The following DHX35 variants were observed in gnomAD, a reference collection of about 807,000 sequenced individuals.
The protein encoded by DHX35 is DEAH-box helicase 35, also known as probable ATP-dependent RNA helicase DHX35.
DHX35 carries 84 observed loss-of-function variants against 99.6 expected under a neutral mutation model. That is an observed-to-expected ratio of 0.84 (90% CI 0.71 to 1.01). The LOEUF is 1.01. Among genes scored for constraint, DHX35 ranks in the 50% least tolerant of loss-of-function variants. The probability of loss-of-function intolerance (pLI) is 0.00; values close to 1 mark genes in which losing one functional copy is unlikely to be tolerated. For synonymous variants in DHX35, 331 were observed against 316.2 expected (o/e 1.05, Z -0.50); for missense variants, 852 against 888.5 (o/e 0.96, Z 0.52).
rs2086611270 is a variant in DHX35 at position 39,006,094 on chromosome 20, A to C, written c.1012-52A>C. ...CTTTTAGGATTTTTACGAGTTTGTT[A>C]AAAGCAAAAAGAATAAAATGAGTTT... On this transcript the variant is annotated intron_variant, in intron 11 of 21. Transcript: ENST00000252011. 3.8e-6 allele frequency: 6 copies of C among 1,581,576 alleles called. No individual in the cohort carries two copies. The Middle Eastern group carries it at 5.0e-4, about 133-fold the overall frequency.
intron 1 of DHX35, chr20:38,962,757 C>A: frequency 3.2e-6 from 1 of 309,958 alleles, no homozygotes; most frequent in Non-Finnish European, 6.0e-6. Flanking sequence ...CGCTGTGGCC[C>A]GACAGACAAT....
At chr20:39,009,854 C>T (rs545291512) in intron 12 of DHX35, among the ~76,000 whole-genome samples, 1 of 152,176 alleles carries the variant, frequency 6.6e-6, no homozygotes, top group Non-Finnish European at 1.5e-5. Context: ...ACAATTTTTG[C>T]TCTTTATAAG....
intron 8 of DHX35, among the ~76,000 whole-genome samples, chr20:38,998,781 C>T (rs1051673602): frequency 6.6e-6 from 1 of 152,192 alleles, no homozygotes; most frequent in Non-Finnish European, 1.5e-5. Flanking sequence ...TGTGCCTTCT[C>T]AGTAAATGCT....
Position 39,039,272 on chromosome 20 carries a change from A to C in DHX35, c.*729A>C, listed in dbSNP as rs527962271. On this transcript the variant is annotated 3_prime_UTR_variant, in exon 22 of 22. Coordinates refer to ENST00000252011, the MANE Select transcript of DHX35 (RefSeq NM_021931.4). Reference sequence around the variant, plus strand: ...GGTCCTGGTGCCACGCTAGCTGAGCACTCAGGAGAGTTCATCAGCTCAGAT... The same window carrying C: ...GGTCCTGGTGCCACGCTAGCTGAGCCCTCAGGAGAGTTCATCAGCTCAGAT... The C allele has an allele frequency of 6.5e-6, 1 of 152,830 alleles. No individual in the cohort carries two copies. The highest frequency in any genetic ancestry group is 2.1e-4 in the South Asian group (1 of 4,828). The allele number at this position is 152,830 out of a possible 1,614,324, so 9.5% of individuals were successfully genotyped here.
At chr20:39,023,355 A>C (rs776074245) in intron 16 of DHX35, among the ~76,000 whole-genome samples, 1 of 152,060 alleles carries the variant, frequency 6.6e-6, no homozygotes, top group African/African-American at 2.4e-5. Context: ...TGCAAAAGTC[A>C]ATTTCTTTCT....
At chr20:39,020,653 A>ATTTT (rs1339589021) in intron 15 of DHX35, among the ~76,000 whole-genome samples, 1 of 86,596 alleles carries the variant, frequency 1.2e-5, no homozygotes, top group African/African-American at 5.1e-5. Flanking sequence ...TAGAAACAGG[A>ATTTT]TTCTTTTTTT....
At chr20:39,033,307 G>A (rs868660793) in intron 20 of DHX35, among the ~76,000 whole-genome samples, 39 of 152,068 alleles carry the variant, frequency 2.6e-4, no homozygotes, top group African/African-American at 9.2e-4. Flanking sequence ...GCTGACTTTT[G>A]GGTGGTTAAA....
At chr20:38,989,630 A>G (rs2145871403) in intron 5 of DHX35, among the ~76,000 whole-genome samples, 1 of 152,290 alleles carries the variant, frequency 6.6e-6, no homozygotes, top group Middle Eastern at 3.4e-3. Context: ...AGCAATCGAA[A>G]TATAGAAACA....
chr20:39,023,601 C>A, intron 16 of DHX35, 89 bp from the exon 17 acceptor site: 1 of 1,277,032 alleles, frequency 7.8e-7, no homozygotes, highest in Non-Finnish European at 1.1e-6. Context: ...AATCCTCCCA[C>A]CTTAGCCTCA....
rs112765650 is a variant in DHX35, at chr20:39,031,161, C to CAA, written c.1955+397_1955+398dup. On this transcript the variant is annotated intron_variant, in intron 20 of 21. Coordinates refer to ENST00000252011, the MANE Select transcript of DHX35 (RefSeq NM_021931.4). ...TGGGTGACAGAGTGAGATTCCATGT[C>CAA]AAAAAAAAAAAAGAGAATTTCTGCT... Among the ~76,000 whole-genome samples, 960 of 135,550 alleles carry CAA rather than the reference C, an allele frequency of 7.1e-3. 12 individuals are homozygous for CAA. Among genetic ancestry groups the CAA allele is most frequent in the African/African-American group, 0.025 (925 of 37,118 alleles). The allele number at this position is 135,550 out of a possible 152,430, so 88.9% of individuals were successfully genotyped here.
At chr20:39,030,847 GT>G in intron 20 of DHX35, 72 bp downstream of exon 20, 1 of 1,514,526 alleles carries the variant, frequency 6.6e-7, no homozygotes, top group South Asian at 1.1e-5. Flanking sequence ...TCCTGTACAT[GT>G]TTCTTGACAT....
intron 2 of DHX35, among the ~76,000 whole-genome samples, chr20:38,971,985 GT>G (rs1190714244): frequency 1.0e-5 from 1 of 95,764 alleles, no homozygotes; most frequent in Non-Finnish European, 2.4e-5. Flanking sequence ...ATAATTTCTT[GT>G]TTTTTTTGTT....
intron 18 of DHX35, among the ~76,000 whole-genome samples, 181 bp downstream of exon 18, chr20:39,025,540 A>G (rs1423720691): frequency 2.0e-5 from 3 of 152,064 alleles, no homozygotes; most frequent in Non-Finnish European, 4.4e-5. Flanking sequence ...TATTTTTTCC[A>G]AGGAGGTCTA....
chr20:38,998,115 T>C (rs1175456239), intron 8 of DHX35, among the ~76,000 whole-genome samples: 1 of 152,250 alleles, frequency 6.6e-6, no homozygotes, highest in Non-Finnish European at 1.5e-5. Context: ...GCTTTCTTAA[T>C]GTAAGCCCAA....
chr20:38,978,877 GAGTT>G (rs973408837), intron 3 of DHX35, among the ~76,000 whole-genome samples: 1 of 152,158 alleles, frequency 6.6e-6, no homozygotes, highest in African/African-American at 2.4e-5. Context: ...TATGTGGTGA[GAGTT>G]AGGGAACTGG....
At chr20:38,987,070 G>A (rs2086261150) in intron 4 of DHX35, among the ~76,000 whole-genome samples, 1 of 152,202 alleles carries the variant, frequency 6.6e-6, no homozygotes, top group Non-Finnish European at 1.5e-5. Flanking sequence ...GTCAGGACTT[G>A]GGAACTGCGT....
intron 7 of DHX35, among the ~76,000 whole-genome samples, chr20:38,993,153 C>T (rs1240914991): frequency 6.6e-6 from 1 of 152,198 alleles, no homozygotes; most frequent in East Asian, 1.9e-4. Context: ...GGCATTGAGT[C>T]AGACTACCTG....
chr20:39,022,572 A>G (rs1299834514), intron 16 of DHX35, among the ~76,000 whole-genome samples: 1 of 152,184 alleles, frequency 6.6e-6, no homozygotes, highest in East Asian at 1.9e-4. Context: ...TAACCATTGA[A>G]CTACCAACTT....
At position 39,038,823 on chromosome 20, in the gene DHX35, C is replaced by T. The variant is rs1374568641; in HGVS notation, c.*280C>T. ...CAGCACGCTCACTAACCCAGCATGC[C>T]ACTTCCAGCAGGCATGCAGTCCTGG... On this transcript the variant is annotated 3_prime_UTR_variant, in exon 22 of 22. Transcript: ENST00000252011. 2.0e-6 allele frequency: 1 copy of T among 501,408 alleles called. No homozygotes were observed. Among genetic ancestry groups the T allele is most frequent in the Non-Finnish European group, 3.6e-6 (1 of 277,662 alleles). 31.1% of individuals were successfully genotyped at this position (501,408 alleles called of 1,614,324 possible).
Sources: allele counts gnomAD v4.1 joint callset (sites outside exome capture counted in the v4.1 genomes callset), GRCh38; gene constraint gnomAD v4.1.1; transcripts MANE v1.5; gene names NCBI Gene and HGNC (gene_info 2026-07-23, HGNC 2026-07-21).